Variants in MYOM1 observed in about 807,000 individuals in gnomAD.
MYOM1 encodes the protein myomesin 1.
Under a neutral mutation model 205.3 loss-of-function variants are expected in MYOM1, and 164 were observed. The observed-to-expected ratio is 0.80, with a 90% CI of 0.70 to 0.91. The LOEUF is 0.91. MYOM1 is among the 40% of genes least tolerant of loss of function. MYOM1 has a pLI of 0.00. For synonymous variants in MYOM1, 772 were observed against 789.4 expected (o/e 0.98, Z 0.37); for missense variants, 2,011 against 2,127.3 (o/e 0.95, Z 1.08).
chr18:3,197,143 T>TG (rs1567963375), intron 2 of MYOM1, among the ~76,000 whole-genome samples: 1 of 151,396 alleles, frequency 6.6e-6, no homozygotes, highest in Non-Finnish European at 1.5e-5. Flanking sequence ...TTCCTTTTTT[T>TG]TTTTTTTTTT....
the MYOM1 span, among the ~76,000 whole-genome samples, chr18:3,238,106 G>C: frequency 6.6e-6 from 1 of 152,130 alleles, no homozygotes; most frequent in African/African-American, 2.4e-5. Flanking sequence ...CCATAATGTA[G>C]AATCAGTGGG....
At chr18:3,131,289 A>T in intron 17 of MYOM1, 86 bp downstream of exon 17, 2 of 1,450,512 alleles carry the variant, frequency 1.4e-6, no homozygotes. Flanking sequence ...ATTGGAAGCT[A>T]AATAATTTCT....
chr18:3,119,136 C>T (rs534752408), intron 20 of MYOM1, among the ~76,000 whole-genome samples: 2 of 152,244 alleles, frequency 1.3e-5, no homozygotes, highest in South Asian at 2.1e-4. Context: ...CATCCTCGCC[C>T]CACTTCCCAC....
Position 3,148,617 on chromosome 18 carries a change from A to G in MYOM1, c.1900+528T>C, listed in dbSNP as rs759500566. ...CATCCCAGCACTTTGGGAGGCCGAG[A>G]CGGGCGGATCACGAGGTCAGGAGAT... On this transcript the variant is annotated intron_variant, in intron 13 of 37. Transcript: ENST00000356443. 5.2e-4 allele frequency among the ~76,000 whole-genome samples: 79 copies of G among 151,840 alleles called. 1 individual carries two copies. The highest frequency in any genetic ancestry group is 2.5e-3 in the Admixed American group (38 of 15,220).
chr18:3,222,381 G>T (rs902841641), upstream of MYOM1, among the ~76,000 whole-genome samples: 9 of 152,184 alleles, frequency 5.9e-5, no homozygotes, highest in Non-Finnish European at 1.2e-4. Flanking sequence ...ATTCTGCTGG[G>T]TCTAGCTCAT....
At chr18:3,216,160 C>T (rs2081264191) in intron 1 of MYOM1, among the ~76,000 whole-genome samples, 1 of 152,164 alleles carries the variant, frequency 6.6e-6, no homozygotes, top group Non-Finnish European at 1.5e-5. Context: ...CCCAGCTACT[C>T]CGGTGGCTGA....
chr18:3,244,743 A>G, the MYOM1 span, among the ~76,000 whole-genome samples: 1 of 151,810 alleles, frequency 6.6e-6, no homozygotes, highest in African/African-American at 2.4e-5. Context: ...CAAAAAAAAA[A>G]AAAAAATTAG....
chr18:3,237,923 AC>A, the MYOM1 span, among the ~76,000 whole-genome samples: 1 of 152,074 alleles, frequency 6.6e-6, no homozygotes, highest in African/African-American at 2.4e-5. Context: ...TTAGTTCCCA[AC>A]CTTTTTGGCA....
In MYOM1 at chr18:3,079,293, C is replaced by T. The variant is rs2079057214; in HGVS notation, c.4534G>A (p.Glu1512Lys). Residue 1512 changes from glutamate (E) to lysine (K), a missense_variant, in exon 34 of 38, where the codon GAG becomes AAG. Transcript: ENST00000356443. ...TCGTTGATTTGTAGCCAGATCTGCT[C>T]TCCAGTGACCCCGGTCTTAACTCTG... ...SDRVKTGVTGEQIWLQINEPT... is the reference protein window; with the variant it reads ...SDRVKTGVTGKQIWLQINEPT... The T allele has an allele frequency of 6.2e-7, 1 of 1,613,952 alleles. No individual in the cohort carries two copies. Among genetic ancestry groups the T allele is most frequent in the Non-Finnish European group, 8.5e-7 (1 of 1,179,864 alleles).
rs2079948458 is a variant in MYOM1, at chr18:3,135,724, CCTCACA to C, written c.2026_2031del (p.Cys676_Glu677del). ...ACTCGCTGCCAGTTTTCTGTTCCTGCCTCACACTGCAGCAAGAACAGGGAAACCCAT... is the reference window on the plus strand; with the variant it reads ...ACTCGCTGCCAGTTTTCTGTTCCTGCCTGCAGCAAGAACAGGGAAACCCAT... On this transcript the variant is annotated inframe_deletion and splice_region_variant, in exon 15 of 38. Coordinates refer to ENST00000356443, the MANE Select transcript of MYOM1 (RefSeq NM_003803.4). The surrounding 1 kb of genome is among the most constrained non-coding windows in gnomAD (Gnocchi z 4.1). 1.9e-6 allele frequency: 3 copies of C among 1,613,714 alleles called. No individual in the cohort carries two copies. Among genetic ancestry groups the C allele is most frequent in the Non-Finnish European group, 2.5e-6 (3 of 1,179,848 alleles).
chr18:3,194,608 A>G (rs540422475), intron 2 of MYOM1, among the ~76,000 whole-genome samples: 1 of 152,220 alleles, frequency 6.6e-6, no homozygotes, highest in African/African-American at 2.4e-5. Context: ...GTTCTAATAA[A>G]CCAAAAAATT....
intron 10 of MYOM1, among the ~76,000 whole-genome samples, chr18:3,163,367 G>A (rs1332390782): frequency 6.6e-6 from 1 of 152,166 alleles, no homozygotes; most frequent in African/African-American, 2.4e-5. Context: ...AGAAAGTCCT[G>A]ATATTAATGA....
At chr18:3,154,906 A>T in intron 11 of MYOM1, 41 bp downstream of exon 11, 1 of 1,590,208 alleles carries the variant, frequency 6.3e-7, no homozygotes, top group Non-Finnish European at 8.6e-7. Context: ...ACGCATCTCT[A>T]TGACCAAATA....
At chr18:3,094,070 C>T in intron 26 of MYOM1, 100 bp downstream of exon 26, 1 of 1,230,044 alleles carries the variant, frequency 8.1e-7, no homozygotes, top group Non-Finnish European at 1.1e-6. Flanking sequence ...CCCACTCCAC[C>T]ACCCAGCGGT....
chr18:3,080,125 A>T (rs947191626), intron 33 of MYOM1, among the ~76,000 whole-genome samples: 16 of 152,298 alleles, frequency 1.1e-4, no homozygotes, highest in Middle Eastern at 6.8e-3. Context: ...ATTAAAACTG[A>T]GGAAATGTTT....
At chr18:3,148,844 C>CA (rs71159049) in intron 13 of MYOM1, among the ~76,000 whole-genome samples, 2,091 of 47,946 alleles carry the variant, frequency 0.044, 396 homozygotes, top group East Asian at 0.063. Context: ...AGACTCCATC[C>CA]AAAAAAAAAA....
At chr18:3,238,800 C>T in the MYOM1 span, among the ~76,000 whole-genome samples, 1 of 152,164 alleles carries the variant, frequency 6.6e-6, no homozygotes, top group East Asian at 1.9e-4. Context: ...CCTGTTTCAG[C>T]TTCTAGAGGC....
In MYOM1 at chr18:3,067,022, A is replaced by G. The variant is rs2078902409; in HGVS notation, c.*240T>C. On this transcript the variant is annotated 3_prime_UTR_variant, in exon 38 of 38. Coordinates refer to ENST00000356443, the MANE Select transcript of MYOM1 (RefSeq NM_003803.4). ...CAACTTCATTCAAGTCTTCTCCTTAAAACTGTTTCCTAATCTTCATGCTAT... is the reference window on the plus strand; with the variant it reads ...CAACTTCATTCAAGTCTTCTCCTTAGAACTGTTTCCTAATCTTCATGCTAT... 1.9e-6 allele frequency: 1 copy of G among 515,048 alleles called. No individual in the cohort carries two copies. Among genetic ancestry groups the G allele is most frequent in the South Asian group, 2.5e-5 (1 of 40,472 alleles). 31.9% of individuals were successfully genotyped at this position (515,048 alleles called of 1,614,324 possible).
At chr18:3,236,204 T>A in the MYOM1 span, among the ~76,000 whole-genome samples, 1 of 152,202 alleles carries the variant, frequency 6.6e-6, no homozygotes, top group Non-Finnish European at 1.5e-5. Flanking sequence ...AGAACAATGA[T>A]GTGCTCTAGT....
Sources: allele counts gnomAD v4.1 joint callset (sites outside exome capture counted in the v4.1 genomes callset), GRCh38; gene constraint gnomAD v4.1.1; non-coding constraint Gnocchi (gnomAD v3.1); transcripts MANE v1.5; gene names NCBI Gene and HGNC (gene_info 2026-07-23, HGNC 2026-07-21).